Variants in CDH8 observed in about 807,000 individuals in gnomAD.
CDH8 encodes cadherin 8.
Under a neutral mutation model 68.1 loss-of-function variants are expected in CDH8, and 17 were observed. The observed-to-expected ratio is 0.25, with a 90% CI of 0.17 to 0.37. The LOEUF is 0.37. CDH8 is among the 10% of genes least tolerant of loss of function. The probability of loss-of-function intolerance (pLI) is 1.00; values close to 1 mark genes in which losing one functional copy is unlikely to be tolerated. For synonymous variants in CDH8, 372 were observed against 365.1 expected (o/e 1.02, Z -0.21); for missense variants, 763 against 999.3 (o/e 0.76, Z 3.19).
intron 7 of CDH8, among the ~76,000 whole-genome samples, chr16:61,796,474 G>A (rs1295040776): frequency 6.6e-6 from 1 of 152,140 alleles, no homozygotes; most frequent in Non-Finnish European, 1.5e-5. Flanking sequence ...AGTGGCATGT[G>A]AGAAAATGGG....
chr16:61,762,148 G>A (rs146472893), intron 8 of CDH8, among the ~76,000 whole-genome samples: 8 of 152,278 alleles, frequency 5.3e-5, no homozygotes, highest in East Asian at 3.9e-4. Context: ...GGCATTGCCC[G>A]TGGTGGTGTA....
intron 2 of CDH8, among the ~76,000 whole-genome samples, chr16:61,950,866 G>A: frequency 6.6e-6 from 1 of 152,032 alleles, no homozygotes; most frequent in South Asian, 2.1e-4. Context: ...CATAAAGAAG[G>A]GAACAAAAGG....
intron 10 of CDH8, 122 bp from the exon 11 acceptor site, chr16:61,655,843 C>A: frequency 1.2e-6 from 1 of 812,754 alleles, no homozygotes; most frequent in Non-Finnish European, 1.9e-6. Flanking sequence ...CAAAGGACTG[C>A]TCAGGCTTTT....
At chr16:61,785,016 C>A (rs1361456116) in intron 8 of CDH8, among the ~76,000 whole-genome samples, 17 of 148,868 alleles carry the variant, frequency 1.1e-4, no homozygotes, top group South Asian at 4.3e-4. Context: ...CCTAACATCA[C>A]AATTAAAAGA....
At chr16:61,909,245 A>G (rs1964119690) in intron 2 of CDH8, among the ~76,000 whole-genome samples, 1 of 152,162 alleles carries the variant, frequency 6.6e-6, no homozygotes, top group African/African-American at 2.4e-5. Context: ...GTGCCCAGAG[A>G]AATAGAAAAT....
intron 2 of CDH8, among the ~76,000 whole-genome samples, chr16:62,011,788 T>TA (rs771540923): frequency 6.6e-5 from 10 of 152,172 alleles, no homozygotes; most frequent in Non-Finnish European, 1.2e-4. Flanking sequence ...CTTTGAGTAA[T>TA]AAAAATGTAG....
chr16:61,686,097 T>C (rs143487129), intron 10 of CDH8, among the ~76,000 whole-genome samples: 82 of 152,120 alleles, frequency 5.4e-4, no homozygotes, highest in African/African-American at 1.9e-3. Flanking sequence ...TTTTTGCTTA[T>C]ACGTAACTGA....
intron 9 of CDH8, chr16:61,714,278 C>A (rs1050803846): frequency 1.5e-5 from 4 of 274,520 alleles, no homozygotes; most frequent in Non-Finnish European, 2.8e-5. Context: ...TGAGTATTTA[C>A]GGGCATCTAG....
At chr16:61,701,185 C>T (rs192513071) in intron 10 of CDH8, among the ~76,000 whole-genome samples, 1 of 151,734 alleles carries the variant, frequency 6.6e-6, no homozygotes, top group East Asian at 1.9e-4. Flanking sequence ...ACTAGACTAC[C>T]GTGATGTATA....
At chr16:61,725,545 T>C (rs1290944301) in intron 9 of CDH8, 1 of 150,904 alleles carries the variant, frequency 6.6e-6, no homozygotes, top group African/African-American at 2.4e-5. Flanking sequence ...ATCTCAGCAA[T>C]GATCTGGTCC....
chr16:61,830,734 TAGG>T (rs1962438123), intron 4 of CDH8, among the ~76,000 whole-genome samples: 1 of 151,850 alleles, frequency 6.6e-6, no homozygotes, highest in African/African-American at 2.4e-5. Flanking sequence ...GTCTCAAGTT[TAGG>T]AGAAGCCATG....
chr16:61,684,305 T>A (rs919639033), intron 10 of CDH8, among the ~76,000 whole-genome samples: 1 of 151,914 alleles, frequency 6.6e-6, no homozygotes, highest in Non-Finnish European at 1.5e-5. Flanking sequence ...CTAAAGTGAG[T>A]GTAAATTACT....
intron 10 of CDH8, among the ~76,000 whole-genome samples, chr16:61,665,896 T>G (rs1342755523): frequency 6.8e-6 from 1 of 147,514 alleles, no homozygotes. Context: ...CTTTCAGTTA[T>G]AGTAGTCCTC....
intron 2 of CDH8, among the ~76,000 whole-genome samples, chr16:61,954,714 A>AAGAAAG (rs1555524383): frequency 2.0e-5 from 3 of 151,356 alleles, no homozygotes; most frequent in African/African-American, 7.3e-5. Context: ...AAAAAAAAAA[A>AAGAAAG]AAAGAAAGAA....
chr16:61,853,801 C>T (rs1253847319), intron 4 of CDH8, among the ~76,000 whole-genome samples: 3 of 151,966 alleles, frequency 2.0e-5, no homozygotes, highest in African/African-American at 7.2e-5. Flanking sequence ...ATGTTTTTGA[C>T]CCATAGCATG....
intron 5 of CDH8, among the ~76,000 whole-genome samples, chr16:61,821,974 C>A (rs1474194008): frequency 6.6e-6 from 1 of 151,818 alleles, no homozygotes; most frequent in Non-Finnish European, 1.5e-5. Context: ...GCCTTTAGAA[C>A]CTATTTTGCC....
chr16:62,031,601 T>C (rs1274360307), intron 1 of CDH8, among the ~76,000 whole-genome samples: 7 of 152,084 alleles, frequency 4.6e-5, no homozygotes, highest in Non-Finnish European at 1.0e-4. Flanking sequence ...TCATTTATGA[T>C]ACTTTCCAAA....
At chr16:61,924,925 C>T (rs181177466) in intron 2 of CDH8, among the ~76,000 whole-genome samples, 29 of 152,172 alleles carry the variant, frequency 1.9e-4, no homozygotes, top group South Asian at 8.3e-4. Flanking sequence ...TGAAATTCGT[C>T]GTTCTGAGAA....
Position 61,652,814 on chromosome 16 carries a change from C to T in CDH8, c.*794G>A, listed in dbSNP as rs991245648. 4.2e-6 allele frequency: 6 copies of T among 1,426,674 alleles called. No individual in the cohort carries two copies. The highest frequency in any genetic ancestry group is 5.5e-6 in the Non-Finnish European group (6 of 1,089,636). The allele number at this position is 1,426,674 out of a possible 1,614,324, so 88.4% of individuals were successfully genotyped here. On this transcript the variant is annotated 3_prime_UTR_variant, in exon 12 of 12. Transcript: ENST00000577390. ...ACGCGCTAGCAATAAAACCATCTGT[C>T]TCTTATGTAGTCCACTGTGTGATAC...
Sources: allele counts gnomAD v4.1 joint callset (sites outside exome capture counted in the v4.1 genomes callset), GRCh38; gene constraint gnomAD v4.1.1; transcripts MANE v1.5; gene names NCBI Gene and HGNC (gene_info 2026-07-23, HGNC 2026-07-21).